PLEKHG1: variants seen among roughly 807,000 people sequenced by gnomAD.
The protein encoded by PLEKHG1 is pleckstrin homology and RhoGEF domain containing G1.
In PLEKHG1, 44 loss-of-function variants were observed where a neutral mutation model predicts 100.8. The observed-to-expected ratio is 0.44, with a 90% CI of 0.34 to 0.56. PLEKHG1 has a LOEUF of 0.56. PLEKHG1 is among the 20% of genes least tolerant of loss of function. PLEKHG1 has a pLI of 0.01. For missense variants in PLEKHG1, 1,545 were observed against 1,720.9 expected (o/e 0.90, Z 1.81); for synonymous variants, 640 against 662.5 (o/e 0.97, Z 0.52).
chr6:150,817,358 G>A (rs898202494), intron 10 of PLEKHG1, among the ~76,000 whole-genome samples: 1 of 152,178 alleles, frequency 6.6e-6, no homozygotes, highest in Non-Finnish European at 1.5e-5. Context: ...GAAACAGAGA[G>A]ACTTAGCTCA....
chr6:150,717,615 G>T (rs559372044), upstream of PLEKHG1, among the ~76,000 whole-genome samples: 2 of 152,276 alleles, frequency 1.3e-5, no homozygotes, highest in East Asian at 1.9e-4. Context: ...GCTCTTCTGC[G>T]CCTTGATTCC....
At chr6:150,706,998 CTT>C (rs71014517) in intron 3 of PLEKHG1, among the ~76,000 whole-genome samples, 31 of 51,922 alleles carry the variant, frequency 6.0e-4, no homozygotes, top group African/African-American at 2.0e-3. Context: ...TTTTCTTTTT[CTT>C]TTTTTTTTTT....
intron 1 of PLEKHG1, among the ~76,000 whole-genome samples, chr6:150,604,078 C>T (rs1776485992): frequency 6.6e-6 from 1 of 152,178 alleles, no homozygotes; most frequent in East Asian, 1.9e-4. Flanking sequence ...TAGCATTTGG[C>T]CAAAAGCTAG....
intron 1 of PLEKHG1, among the ~76,000 whole-genome samples, chr6:150,732,950 G>A (rs61531574): frequency 1.3e-5 from 2 of 152,162 alleles, no homozygotes; most frequent in Non-Finnish European, 2.9e-5. Context: ...TTCTTGCCTA[G>A]TATTAGAAAA....
chr6:150,795,471 C>G (rs903331581), intron 4 of PLEKHG1, among the ~76,000 whole-genome samples: 2 of 151,838 alleles, frequency 1.3e-5, no homozygotes, highest in African/African-American at 2.4e-5. Flanking sequence ...ATTATTCTGA[C>G]TGAAAGCCTT....
At chr6:150,666,949 G>A (rs527350674) in intron 3 of PLEKHG1, among the ~76,000 whole-genome samples, 40 of 152,132 alleles carry the variant, frequency 2.6e-4, no homozygotes, top group Middle Eastern at 6.8e-3. Context: ...TTTAGTATAT[G>A]GAGTTTCACC....
intron 2 of PLEKHG1, among the ~76,000 whole-genome samples, chr6:150,638,516 C>G (rs1048498708): frequency 6.6e-6 from 1 of 152,106 alleles, no homozygotes; most frequent in African/African-American, 2.4e-5. Context: ...CCTCTCTTGC[C>G]AGGGTCACTC....
At chr6:150,833,217 G>T (rs528797089) in intron 15 of PLEKHG1, among the ~76,000 whole-genome samples, 114 of 150,922 alleles carry the variant, frequency 7.6e-4, no homozygotes, top group Non-Finnish European at 9.7e-4. Context: ...TAATTTTTTT[G>T]TGTGTGTGGT....
chr6:150,822,315 T>C (rs1776353949), intron 13 of PLEKHG1, among the ~76,000 whole-genome samples: 3 of 151,934 alleles, frequency 2.0e-5, no homozygotes, highest in African/African-American at 7.3e-5. Context: ...CCAAAACATA[T>C]AGAAAAATAG....
chr6:150,664,627 G>A (rs1440364169), intron 3 of PLEKHG1: 1 of 152,372 alleles, frequency 6.6e-6, no homozygotes, highest in Non-Finnish European at 1.5e-5. Context: ...ATGGCACTGT[G>A]GTGGGGGTGT....
intron 2 of PLEKHG1, among the ~76,000 whole-genome samples, chr6:150,768,126 T>C (rs1784533603): frequency 1.3e-5 from 2 of 152,222 alleles, no homozygotes. Flanking sequence ...GCATAGTAAG[T>C]TATATGCTTA....
chr6:150,736,232 T>C (rs1027391123), intron 2 of PLEKHG1, among the ~76,000 whole-genome samples: 8 of 152,238 alleles, frequency 5.3e-5, no homozygotes, highest in Non-Finnish European at 1.2e-4. Context: ...ACCCCTGTCT[T>C]AGGCTATAAG....
At chr6:150,603,095 A>T (rs1776431101) in intron 1 of PLEKHG1, among the ~76,000 whole-genome samples, 1 of 124,064 alleles carries the variant, frequency 8.1e-6, no homozygotes, top group African/African-American at 2.7e-5. Flanking sequence ...AAAAAAAAAT[A>T]AAAAAAAAGA....
rs969989748 is a variant in PLEKHG1 at position 150,831,828 on chromosome 6, G to C, written c.2717G>C (p.Arg906Thr). 1.2e-6 allele frequency: 2 copies of C among 1,612,278 alleles called. No homozygotes were observed. The highest frequency in any genetic ancestry group is 1.7e-6 in the Non-Finnish European group (2 of 1,178,918). ...GCTCTCCTCACGCCCGTGAAGAGCA[G>C]GGCTGGCAGAGCCAGCCGCGCCAAC... Residue 906 changes from arginine (R) to threonine (T), a missense_variant, in exon 15 of 16, where the codon AGG becomes ACG. Transcript: ENST00000358517. The surrounding 1 kb of genome is among the most constrained non-coding windows in gnomAD (Gnocchi z 4.1).
chr6:150,838,739 G>T (rs1258908866), intron 15 of PLEKHG1, among the ~76,000 whole-genome samples: 2 of 152,090 alleles, frequency 1.3e-5, no homozygotes, highest in African/African-American at 4.8e-5. Context: ...AATTTTAAGC[G>T]GCAAAAGCTT....
intron 2 of PLEKHG1, among the ~76,000 whole-genome samples, chr6:150,767,443 A>G (rs948793767): frequency 6.6e-6 from 1 of 152,222 alleles, no homozygotes; most frequent in Non-Finnish European, 1.5e-5. Flanking sequence ...TATGCATGAC[A>G]ATGATTTTAG....
chr6:150,704,648 T>C (rs924810278), intron 3 of PLEKHG1, among the ~76,000 whole-genome samples: 1 of 152,256 alleles, frequency 6.6e-6, no homozygotes, highest in Non-Finnish European at 1.5e-5. Context: ...AATTCTGATG[T>C]TGTGCTCTTG....
Position 150,831,559 on chromosome 6 carries a change from C to T in PLEKHG1, c.2448C>T (p.Pro816=), listed in dbSNP as rs1165322184. The T allele has an allele frequency of 6.2e-7, 1 of 1,614,058 alleles. No homozygotes were observed. The highest frequency in any genetic ancestry group is 8.5e-7 in the Non-Finnish European group (1 of 1,180,034). ...ATCTGAGTTTGCTGTATGACTCTCCCAGTGGTAACTTGTCTATGCCTCATA... is the reference window on the plus strand; with the variant it reads ...ATCTGAGTTTGCTGTATGACTCTCCTAGTGGTAACTTGTCTATGCCTCATA... Residue 816 remains proline (P), a synonymous_variant, in exon 15 of 16, where the codon CCC becomes CCT. Transcript: ENST00000358517. The surrounding 1 kb of genome is among the most constrained non-coding windows in gnomAD (Gnocchi z 4.1).
intron 3 of PLEKHG1, among the ~76,000 whole-genome samples, chr6:150,778,484 C>T (rs1562510613): frequency 6.6e-6 from 1 of 152,182 alleles, no homozygotes; most frequent in African/African-American, 2.4e-5. Flanking sequence ...TCAAATATCA[C>T]CTCCTCAGAG....
Sources: allele counts gnomAD v4.1 joint callset (sites outside exome capture counted in the v4.1 genomes callset), GRCh38; gene constraint gnomAD v4.1.1; non-coding constraint Gnocchi (gnomAD v3.1); transcripts MANE v1.5; gene names NCBI Gene and HGNC (gene_info 2026-07-23, HGNC 2026-07-21).